Variants in ZNF510 observed in about 807,000 individuals in gnomAD.
ZNF510 encodes zinc finger protein 510.
Under a neutral mutation model 18.1 loss-of-function variants are expected in ZNF510, and 15 were observed. That is an observed-to-expected ratio of 0.83 (90% CI 0.55 to 1.28). The LOEUF is 1.28. Among genes scored for constraint, ZNF510 ranks in the 50% most tolerant of loss-of-function variants. The pLI is 0.00. For synonymous variants in ZNF510, 261 were observed against 266.4 expected (o/e 0.98, Z 0.20); for missense variants, 724 against 791.8 (o/e 0.91, Z 1.03).
chr9:96,766,658 G>GTCTA (rs1317750002), intron 3 of ZNF510, among the ~76,000 whole-genome samples: 2 of 151,902 alleles, frequency 1.3e-5, no homozygotes, highest in East Asian at 1.9e-4. Flanking sequence ...AAAAAGGACA[G>GTCTA]TCTATCTCAC....
intron 3 of ZNF510, among the ~76,000 whole-genome samples, chr9:96,773,329 AAG>A (rs1462340929): frequency 5.3e-5 from 8 of 152,210 alleles, no homozygotes; most frequent in African/African-American, 1.7e-4. Context: ...AAAAGGAAAA[AAG>A]AGTGCATACA....
At chr9:96,761,476 C>T (rs1849346154) in intron 5 of ZNF510, among the ~76,000 whole-genome samples, 1 of 151,974 alleles carries the variant, frequency 6.6e-6, no homozygotes, top group Non-Finnish European at 1.5e-5. Flanking sequence ...CAACTTAATA[C>T]TATTAAGTGA....
chr9:96,761,188 G>GCATT (rs1849339234), intron 5 of ZNF510, among the ~76,000 whole-genome samples: 2 of 152,148 alleles, frequency 1.3e-5, no homozygotes, highest in Admixed American at 6.5e-5. Flanking sequence ...GGCTGTCATA[G>GCATT]CATTGATTTA....
At chr9:96,767,252 C>T (rs148788520) in intron 3 of ZNF510, among the ~76,000 whole-genome samples, 1,575 of 152,084 alleles carry the variant, frequency 0.01, 29 homozygotes, top group African/African-American at 0.035. Flanking sequence ...TGCTTGAACC[C>T]GGGAGGTGGA....
chr9:96,761,101 T>C (rs935865677), intron 5 of ZNF510, among the ~76,000 whole-genome samples: 5 of 152,188 alleles, frequency 3.3e-5, no homozygotes, highest in African/African-American at 7.2e-5. Flanking sequence ...TTGTGATTCA[T>C]AGAAATACAA....
At chr9:96,775,065 G>T (rs1202273309) in intron 2 of ZNF510, among the ~76,000 whole-genome samples, 8 of 139,088 alleles carry the variant, frequency 5.8e-5, no homozygotes, top group Admixed American at 3.5e-4. Context: ...GTGTTTTTTT[G>T]TTTTTTTTTT....
chr9:96,772,010 C>G (rs1245282348), intron 3 of ZNF510, among the ~76,000 whole-genome samples: 1 of 152,056 alleles, frequency 6.6e-6, no homozygotes, highest in Admixed American at 6.5e-5. Flanking sequence ...TAAATAAATT[C>G]ACAAAATTTG....
chr9:96,760,259 T>C lies in ZNF510; in HGVS notation c.571A>G (p.Ile191Val). Residue 191 changes from isoleucine to valine, a missense_variant, in exon 6 of 6, where the codon ATT becomes GTT. Ile to Val is a conservative substitution (Grantham distance 29). Transcript: ENST00000223428. The part of the protein sequence containing the change: ...VNLQSISEFI[I>V]NNRNYSTKKI... ...TTTGTTGAATAGTTTCTATTATTAA[T>C]GATAAATTCAGAAATACTTTGCAAA... 5 of 1,612,784 alleles carry C rather than the reference T, an allele frequency of 3.1e-6. No individual in the cohort carries two copies. Among genetic ancestry groups the C allele is most frequent in the African/African-American group, 1.3e-5 (1 of 74,980 alleles).
In ZNF510 at chr9:96,757,736, T is replaced by C. The variant is rs916510457; in HGVS notation, c.*1042A>G. On this transcript the variant is annotated 3_prime_UTR_variant, in exon 6 of 6. Coordinates refer to ENST00000223428, the MANE Select transcript of ZNF510 (RefSeq NM_014930.3). ...CACATGCCTATGATAGTTTAATCTC[T>C]TGCTGTGCCTAATTTATAAATTAAG... 6.6e-6 allele frequency: 1 copy of C among 152,164 alleles called. No homozygotes were observed. The highest frequency in any genetic ancestry group is 1.5e-5 in the Non-Finnish European group (1 of 68,038). The allele number at this position is 152,164 out of a possible 1,614,324, so 9.4% of individuals were successfully genotyped here.
Position 96,776,154 on chromosome 9 carries a change from C to A in ZNF510, c.-85G>T. 6 of 1,531,936 alleles carry A rather than the reference C, an allele frequency of 3.9e-6. No individual in the cohort carries two copies. In the South Asian group the frequency reaches 7.5e-5, roughly 19 times the overall value. 94.9% of individuals were successfully genotyped at this position (1,531,936 alleles called of 1,614,324 possible). On this transcript the variant is annotated 5_prime_UTR_variant, in exon 2 of 6. Coordinates refer to ENST00000223428, the MANE Select transcript of ZNF510 (RefSeq NM_014930.3). ...AAGACCTGCTCCTTTCTGGGTTCTTCTGCATCTGTTTGGAAGCCCTGGTGA... is the reference window on the plus strand; with the variant it reads ...AAGACCTGCTCCTTTCTGGGTTCTTATGCATCTGTTTGGAAGCCCTGGTGA...
At position 96,754,670 on chromosome 9, in the gene ZNF510, G is replaced by A. The variant is rs1045651; in HGVS notation, c.*4108C>T. 0.052 allele frequency among the ~76,000 whole-genome samples: 7,958 copies of A among 152,152 alleles called. 670 individuals carry two copies. Among genetic ancestry groups the A allele is most frequent in the African/African-American group, 0.18 (7,466 of 41,464 alleles). On this transcript the variant is annotated 3_prime_UTR_variant, in exon 6 of 6. Coordinates refer to ENST00000223428, the MANE Select transcript of ZNF510 (RefSeq NM_014930.3). ...AGTTTTAAAAATTTATAAAATACCC[G>A]TGAATAGGGAACTTATAGCAATATT...
chr9:96,773,054 T>C (rs1588132829), intron 3 of ZNF510, among the ~76,000 whole-genome samples: 1 of 152,208 alleles, frequency 6.6e-6, no homozygotes, highest in East Asian at 1.9e-4. Flanking sequence ...AATATTAAGA[T>C]ACAGAGCAAA....
At chr9:96,770,387 C>T (rs535856391) in intron 3 of ZNF510, among the ~76,000 whole-genome samples, 11 of 149,760 alleles carry the variant, frequency 7.3e-5, no homozygotes, top group African/African-American at 2.2e-4. Flanking sequence ...GTCAGGCGCT[C>T]GAGACCAGCC....
Position 96,763,556 on chromosome 9 carries a change from T to C in ZNF510, c.206A>G (p.Asn69Ser), listed in dbSNP as rs761390990. ...CTCCAGCATCACATCTCTGTACAGA[T>C]TCTTCTGAACAGGGGCCATTTGCTG... ...EWQQMAPVQK[N>S]LYRDVMLENY... Residue 69 changes from asparagine (N) to serine (S), a missense_variant, in exon 4 of 6, where the codon AAT (asparagine) becomes AGT (serine). Coordinates refer to ENST00000223428, the MANE Select transcript of ZNF510 (RefSeq NM_014930.3). The C allele has an allele frequency of 6.2e-7, 1 of 1,613,364 alleles. No homozygotes were observed. Among genetic ancestry groups the C allele is most frequent in the South Asian group, 1.1e-5 (1 of 90,948 alleles).
Position 96,760,287 on chromosome 9 carries a change from C to G in ZNF510, c.543G>C (p.Val181=), listed in dbSNP as rs750780709. 4 of 1,613,378 alleles carry G rather than the reference C, an allele frequency of 2.5e-6. No homozygotes were observed. In the East Asian group the frequency reaches 8.9e-5, roughly 36 times the overall value. Residue 181 remains valine (V), a synonymous_variant, in exon 6 of 6, where the codon GTG becomes GTC. Transcript: ENST00000223428. ...TAAATTCAGAAATACTTTGCAAATT[C>G]ACTTCCCATGAGTTGCATTTGCAGG... ...KMSCKCNSWE[V]NLQSISEFII...
At position 96,755,840 on chromosome 9, in the gene ZNF510, T is replaced by C. The variant is rs931353674; in HGVS notation, c.*2938A>G. ...AGGAAAAAAGTTTTGTAAATTCTTA[T>C]ATCCAATGACATCAATGGAAGCGTC... On this transcript the variant is annotated 3_prime_UTR_variant, in exon 6 of 6. Transcript: ENST00000223428. The C allele has an allele frequency of 3.9e-5, 6 of 152,214 alleles. No individual in the cohort carries two copies. Among genetic ancestry groups the C allele is most frequent in the African/African-American group, 1.2e-4 (5 of 41,462 alleles). 9.4% of individuals were successfully genotyped at this position (152,214 alleles called of 1,614,324 possible).
intron 5 of ZNF510, 124 bp from the exon 6 acceptor site, chr9:96,760,601 T>C: frequency 1.1e-6 from 1 of 879,704 alleles, no homozygotes; most frequent in East Asian, 2.6e-5. Context: ...TTCAGATGTA[T>C]GTGTGTGTAA....
chr9:96,771,071 A>G (rs935605919), intron 3 of ZNF510, among the ~76,000 whole-genome samples: 6 of 152,232 alleles, frequency 3.9e-5, no homozygotes, highest in Non-Finnish European at 8.8e-5. Flanking sequence ...TAAGGATGAA[A>G]TAACAGCAAT....
rs550748226 is a variant in ZNF510 at position 96,756,919 on chromosome 9, G to A, written c.*1859C>T. 4.6e-5 allele frequency: 7 copies of A among 152,254 alleles called. No individual in the cohort carries two copies. Among genetic ancestry groups the A allele is most frequent in the African/African-American group, 9.6e-5 (4 of 41,546 alleles). 9.4% of individuals were successfully genotyped at this position (152,254 alleles called of 1,614,324 possible). Reference sequence around the variant, plus strand: ...CTGATTAGAATTCTATGACTTATGCGAATTACAGGGAATTAGAATTCTCTC... The same window carrying A: ...CTGATTAGAATTCTATGACTTATGCAAATTACAGGGAATTAGAATTCTCTC... On this transcript the variant is annotated 3_prime_UTR_variant, in exon 6 of 6. Coordinates refer to ENST00000223428, the MANE Select transcript of ZNF510 (RefSeq NM_014930.3).
Sources: gnomAD v4.1 joint callset for allele counts (sites outside exome capture counted in the v4.1 genomes callset) on GRCh38, gnomAD v4.1.1 for gene constraint, MANE v1.5 for transcripts, NCBI Gene and HGNC (gene_info 2026-07-23, HGNC 2026-07-21) for gene names.